DNASE1: variants seen among roughly 807,000 people sequenced by gnomAD.
The protein encoded by DNASE1 is deoxyribonuclease 1, also known as deoxyribonuclease-1.
DNASE1 carries 40 observed loss-of-function variants against 33.9 expected under a neutral mutation model. The ratio of observed to expected loss-of-function variants is 1.18; its 90% CI spans 0.92 to 1.54. The LOEUF (loss-of-function observed/expected upper bound fraction) is 1.54, where lower values mean the gene tolerates loss of function less well. Among genes scored for constraint, DNASE1 ranks in the 40% most tolerant of loss-of-function variants. The pLI, the probability that DNASE1 is intolerant of heterozygous loss-of-function variation, is 0.00. For synonymous variants in DNASE1, 216 were observed against 160.0 expected (o/e 1.35, Z -2.64); for missense variants, 518 against 372.6 (o/e 1.39, Z -3.21).
intron 1 of DNASE1, among the ~76,000 whole-genome samples, chr16:3,621,459 CCCT>C (rs1201078699): frequency 1.3e-5 from 2 of 152,126 alleles, no homozygotes; most frequent in Non-Finnish European, 2.9e-5. Flanking sequence ...TACAAAAATT[CCCT>C]CCTACTTCTG....
chr16:3,628,252 A>G (rs2041583305), intron 1 of DNASE1, among the ~76,000 whole-genome samples: 1 of 152,168 alleles, frequency 6.6e-6, no homozygotes, highest in Non-Finnish European at 1.5e-5. Flanking sequence ...CAGTGTTAGT[A>G]TATAGAAATG....
intron 1 of DNASE1, among the ~76,000 whole-genome samples, chr16:3,634,275 C>A (rs1348224287): frequency 6.6e-6 from 1 of 152,026 alleles, no homozygotes; most frequent in African/African-American, 2.4e-5. Flanking sequence ...GTCACCCAGG[C>A]TGGAGTGCAG....
chr16:3,639,142 T>C (rs116462323), upstream of DNASE1, among the ~76,000 whole-genome samples: 1 of 152,248 alleles, frequency 6.6e-6, no homozygotes, highest in Non-Finnish European at 1.5e-5. Flanking sequence ...GTTATCAGTT[T>C]ATTGCGTCTC....
At chr16:3,662,726 G>T (rs111945995), downstream of DNASE1, 2 of 730,622 alleles carry the variant, frequency 2.7e-6, no homozygotes, top group South Asian at 1.5e-5. Flanking sequence ...CGAGCAACAC[G>T]TGCCGAGCAG....
intron 1 of DNASE1, among the ~76,000 whole-genome samples, chr16:3,614,863 C>A (rs1196198017): frequency 1.3e-5 from 2 of 152,172 alleles, no homozygotes; most frequent in African/African-American, 2.4e-5. Flanking sequence ...TTACTGTTTT[C>A]CAGTCAGACT....
upstream of DNASE1, chr16:3,653,018 T>A (rs2042388205): frequency 6.6e-6 from 1 of 152,270 alleles, no homozygotes; most frequent in African/African-American, 2.4e-5. Flanking sequence ...AAGATAGCTG[T>A]GCCCTAGCCC....
chr16:3,621,145 G>C (rs1029002564), intron 1 of DNASE1, among the ~76,000 whole-genome samples: 1 of 151,932 alleles, frequency 6.6e-6, no homozygotes, highest in Non-Finnish European at 1.5e-5. Context: ...ATCCATGCTA[G>C]AATGCAGTGG....
At chr16:3,663,202 C>T in exon 10 of DNASE1, 1 of 690,958 alleles carries the variant, frequency 1.4e-6, no homozygotes, top group Non-Finnish European at 2.4e-6. Context: ...GAAGCTGGGC[C>T]AGCTCCAGAA....
chr16:3,622,033 C>T (rs1330608649), intron 1 of DNASE1, among the ~76,000 whole-genome samples: 1 of 152,008 alleles, frequency 6.6e-6, no homozygotes, highest in Non-Finnish European at 1.5e-5. Context: ...ACAGCGTGGC[C>T]AACATGTTGA....
At chr16:3,658,427 C>G, downstream of DNASE1, 1 of 603,986 alleles carries the variant, frequency 1.7e-6, no homozygotes, top group South Asian at 2.0e-5. Context: ...GCCATTTTTC[C>G]GTTTTTAAAA....
At chr16:3,617,748 C>G (rs1755841020) in intron 1 of DNASE1, among the ~76,000 whole-genome samples, 1 of 151,982 alleles carries the variant, frequency 6.6e-6, no homozygotes, top group African/African-American at 2.4e-5. Flanking sequence ...GAGTTTGAGA[C>G]CAGCCTGGGC....
At chr16:3,621,891 CAG>C (rs2041327708) in intron 1 of DNASE1, among the ~76,000 whole-genome samples, 3 of 152,176 alleles carry the variant, frequency 2.0e-5, no homozygotes, top group Middle Eastern at 3.4e-3. Context: ...ATGGGTAAAT[CAG>C]AGTGTTTTGG....
chr16:3,627,345 G>T (rs1441496467), intron 1 of DNASE1, among the ~76,000 whole-genome samples: 2 of 150,798 alleles, frequency 1.3e-5, no homozygotes, highest in African/African-American at 4.9e-5. Flanking sequence ...GCATGATCAC[G>T]GCTCACTGCA....
rs111526168 is a variant in DNASE1, at chr16:3,656,633, C to T, written c.321-5C>T. The T allele has an allele frequency of 6.1e-4, 984 of 1,606,530 alleles. 9 individuals carry two copies. In the African/African-American group the frequency reaches 0.011, roughly 18 times the overall value. On this transcript the variant is annotated splice_region_variant and splice_polypyrimidine_tract_variant and intron_variant, in intron 4 of 8. Transcript: ENST00000246949. ...GTCACCTCCTCCTGCCCGGCCTTCC[C>T]GCAGGCCTGACCAGGTGTCTGCGGT...
chr16:3,643,782 G>T (rs2042091177), intron 1 of DNASE1, among the ~76,000 whole-genome samples: 2 of 152,064 alleles, frequency 1.3e-5, no homozygotes, highest in Admixed American at 6.6e-5. Context: ...TTTATTTTGA[G>T]ATGGAGTCTC....
chr16:3,628,809 T>C (rs1202282235), intron 1 of DNASE1, among the ~76,000 whole-genome samples: 1 of 148,780 alleles, frequency 6.7e-6, no homozygotes, highest in Admixed American at 6.7e-5. Context: ...TCCGCCCGCC[T>C]CAGCTTCCCA....
intron 1 of DNASE1, among the ~76,000 whole-genome samples, chr16:3,634,749 A>C (rs2041817835): frequency 6.6e-6 from 1 of 150,898 alleles, no homozygotes; most frequent in African/African-American, 2.4e-5. Flanking sequence ...TCCTGGTCTT[A>C]AGAAGTCCTC....
chr16:3,630,051 G>A (rs1236975609), intron 1 of DNASE1, among the ~76,000 whole-genome samples: 4 of 152,180 alleles, frequency 2.6e-5, no homozygotes, highest in African/African-American at 9.6e-5. Context: ...AATCCTAACC[G>A]CAGGTGATCT....
intron 1 of DNASE1, among the ~76,000 whole-genome samples, chr16:3,613,607 A>C (rs1436808674): frequency 6.6e-6 from 1 of 152,230 alleles, no homozygotes; most frequent in Admixed American, 6.5e-5. Flanking sequence ...TATGGTTTCC[A>C]ACTGGATAAA....
Sources: allele counts gnomAD v4.1 joint callset (sites outside exome capture counted in the v4.1 genomes callset), GRCh38; gene constraint gnomAD v4.1.1; transcripts MANE v1.5; gene names NCBI Gene and HGNC (gene_info 2026-07-23, HGNC 2026-07-21).